The following TNNI3K variants were observed in gnomAD, a reference collection of about 807,000 sequenced individuals.
TNNI3K encodes the protein serine/threonine-protein kinase TNNI3K.
Under a neutral mutation model 114.5 loss-of-function variants are expected in TNNI3K, and 140 were observed. The ratio of observed to expected loss-of-function variants is 1.22; its 90% CI spans 1.07 to 1.41. The LOEUF (loss-of-function observed/expected upper bound fraction) is 1.41, where lower values mean the gene tolerates loss of function less well. Ranked by LOEUF, TNNI3K falls within the 40% of genes most tolerant of loss-of-function variation. The pLI is 0.00. For synonymous variants in TNNI3K, 347 were observed against 347.5 expected (o/e 1.00, Z 0.02); for missense variants, 1,125 against 1,007.6 (o/e 1.12, Z -1.58).
intron 4 of TNNI3K, 75 bp downstream of exon 4, chr1:74,250,844 T>C: frequency 7.2e-7 from 1 of 1,388,754 alleles, no homozygotes; most frequent in South Asian, 1.6e-5. Context: ...TTTTTTTTTT[T>C]TTTCAAATTA....
At chr1:74,410,659 T>C (rs1421352674) in intron 17 of TNNI3K, among the ~76,000 whole-genome samples, 4 of 152,226 alleles carry the variant, frequency 2.6e-5, no homozygotes, top group Admixed American at 6.5e-5. Flanking sequence ...AAACTTGGCA[T>C]CTAAGAAGAG....
chr1:74,531,033 A>C (rs1646575784), intron 23 of TNNI3K, among the ~76,000 whole-genome samples: 1 of 152,102 alleles, frequency 6.6e-6, no homozygotes, highest in South Asian at 2.1e-4. Flanking sequence ...AAAATGGGGG[A>C]AGCTGAGACC....
At position 74,336,005 on chromosome 1, in the gene TNNI3K, C is replaced by T. The variant is rs750536200; in HGVS notation, c.544-6C>T. On this transcript the variant is annotated splice_polypyrimidine_tract_variant and splice_region_variant and intron_variant, in intron 6 of 24. Coordinates refer to ENST00000326637, the MANE Select transcript of TNNI3K (RefSeq NM_015978.3). ...TATACTGATTTCAAATGAATAAATCCTTTAGGTAACTCGCCTTCTTTTGAA... is the reference window on the plus strand; with the variant it reads ...TATACTGATTTCAAATGAATAAATCTTTTAGGTAACTCGCCTTCTTTTGAA... The T allele has an allele frequency of 1.7e-5, 26 of 1,561,734 alleles. No individual in the cohort carries two copies. The South Asian group carries it at 3.0e-4, about 18-fold the overall frequency.
intron 23 of TNNI3K, among the ~76,000 whole-genome samples, chr1:74,508,729 G>A (rs1342720594): frequency 6.6e-6 from 1 of 152,174 alleles, no homozygotes; most frequent in African/African-American, 2.4e-5. Flanking sequence ...AGGAGGAAGG[G>A]TGCTTTGCTG....
intron 1 of TNNI3K, 77 bp from the exon 2 acceptor site, chr1:74,236,025 T>G: frequency 9.4e-7 from 1 of 1,059,618 alleles, no homozygotes; most frequent in Non-Finnish European, 1.4e-6. Context: ...CAGTTTTGAT[T>G]ACTTGTATGT....
At chr1:74,465,064 C>T in intron 21 of TNNI3K, 1 of 978,770 alleles carries the variant, frequency 1.0e-6, no homozygotes, top group Non-Finnish European at 1.2e-6. Context: ...GTATGTCAAG[C>T]ACCTATTCTA....
intron 5 of TNNI3K, among the ~76,000 whole-genome samples, chr1:74,293,329 A>G (rs576859128): frequency 6.6e-6 from 1 of 151,756 alleles, no homozygotes; most frequent in African/African-American, 2.4e-5. Context: ...TGTTTGTTGT[A>G]TGTGAGTACC....
At chr1:74,456,816 T>G (rs1667245709) in intron 20 of TNNI3K, among the ~76,000 whole-genome samples, 1 of 152,172 alleles carries the variant, frequency 6.6e-6, no homozygotes, top group Non-Finnish European at 1.5e-5. Context: ...AGACTTCATA[T>G]TGAGACTTTA....
At chr1:74,411,741 C>T (rs188275255) in intron 17 of TNNI3K, among the ~76,000 whole-genome samples, 24 of 152,030 alleles carry the variant, frequency 1.6e-4, no homozygotes, top group Admixed American at 5.9e-4. Context: ...GAAAATAACA[C>T]GGGATATAGA....
intron 4 of TNNI3K, among the ~76,000 whole-genome samples, chr1:74,260,705 G>T (rs1655611817): frequency 6.6e-6 from 1 of 152,022 alleles, no homozygotes; most frequent in South Asian, 2.1e-4. Context: ...AAAATTAAAA[G>T]AAATGGATTG....
At chr1:74,257,663 C>T (rs56274610) in intron 4 of TNNI3K, among the ~76,000 whole-genome samples, 35,066 of 91,602 alleles carry the variant, frequency 0.38, 7,114 homozygotes, top group Middle Eastern at 0.55. Flanking sequence ...TGGCTTACCT[C>T]TTTTTTTTTT....
intron 17 of TNNI3K, among the ~76,000 whole-genome samples, chr1:74,395,106 G>A (rs1336392157): frequency 6.6e-6 from 1 of 151,976 alleles, no homozygotes; most frequent in Non-Finnish European, 1.5e-5. Context: ...TGACATCCGG[G>A]AAGACTGTGA....
intron 23 of TNNI3K, among the ~76,000 whole-genome samples, chr1:74,510,812 G>T (rs1670150684): frequency 6.6e-6 from 1 of 152,204 alleles, no homozygotes; most frequent in African/African-American, 2.4e-5. Context: ...CACTGTGTCT[G>T]CCCCTACCCA....
intron 17 of TNNI3K, among the ~76,000 whole-genome samples, chr1:74,397,975 G>A (rs1337129840): frequency 6.6e-6 from 1 of 152,082 alleles, no homozygotes; most frequent in African/African-American, 2.4e-5. Context: ...GACAGAGCAG[G>A]GCCTAATAAA....
rs189280718 is a variant in TNNI3K, at chr1:74,341,267, T to G, written c.683-1575T>G. On this transcript the variant is annotated intron_variant, in intron 7 of 24. Coordinates refer to ENST00000326637, the MANE Select transcript of TNNI3K (RefSeq NM_015978.3). ...GTTATTTGAGAGTATAGACTCTGCATTTATCTGTTATTAGCTTTGGACACA... is the reference window on the plus strand; with the variant it reads ...GTTATTTGAGAGTATAGACTCTGCAGTTATCTGTTATTAGCTTTGGACACA... Among the ~76,000 whole-genome samples the G allele has an allele frequency of 1.1e-4, 16 of 152,332 alleles. 1 individual carries two copies. Among genetic ancestry groups the G allele is most frequent in the Non-Finnish European group, 2.1e-4 (14 of 68,030 alleles).
In TNNI3K at chr1:74,351,760, G is replaced by A. The variant is rs531546909; in HGVS notation, c.933-1506G>A. On this transcript the variant is annotated intron_variant, in intron 9 of 24. Coordinates refer to ENST00000326637, the MANE Select transcript of TNNI3K (RefSeq NM_015978.3). The stretch of plus-strand genomic sequence containing the variant: ...ACCCTTTCTTCCAGTTGATCGCATC[G>A]GTTACTGAGGCTTGTGCATTCGTCA... Among the ~76,000 whole-genome samples, 468 of 152,150 alleles carry A rather than the reference G, an allele frequency of 3.1e-3. 2 individuals are homozygous for A. Among genetic ancestry groups the A allele is most frequent in the Non-Finnish European group, 5.4e-3 (365 of 67,984 alleles).
intron 23 of TNNI3K, 65 bp downstream of exon 23, chr1:74,492,331 A>T: frequency 7.2e-7 from 1 of 1,390,614 alleles, no homozygotes. Context: ...AAGACAGTCA[A>T]CTGATTTGAT....
At chr1:74,260,958 T>C (rs1655627200) in intron 4 of TNNI3K, among the ~76,000 whole-genome samples, 1 of 152,120 alleles carries the variant, frequency 6.6e-6, no homozygotes. Flanking sequence ...AGTTTGTAGC[T>C]ATACATTTAT....
At chr1:74,351,164 G>C (rs1443917581) in intron 9 of TNNI3K, among the ~76,000 whole-genome samples, 1 of 151,942 alleles carries the variant, frequency 6.6e-6, no homozygotes, top group East Asian at 1.9e-4. Flanking sequence ...CAGGCCTGGT[G>C]GTGACAAAAT....
Sources: allele counts gnomAD v4.1 joint callset (sites outside exome capture counted in the v4.1 genomes callset), GRCh38; gene constraint gnomAD v4.1.1; transcripts MANE v1.5; gene names NCBI Gene and HGNC (gene_info 2026-07-23, HGNC 2026-07-21).